ECPAS: variants seen among roughly 807,000 people sequenced by gnomAD.
ECPAS encodes Ecm29 proteasome adaptor and scaffold, also known as proteasome adapter and scaffold protein ECM29.
A neutral mutation model predicts 255.1 loss-of-function variants in ECPAS; 70 were observed. The observed-to-expected ratio is 0.27, with a 90% CI of 0.23 to 0.33. ECPAS has a LOEUF of 0.33. Among genes scored for constraint, ECPAS ranks in the 10% least tolerant of loss-of-function variants. The pLI, the probability that ECPAS is intolerant of heterozygous loss-of-function variation, is 1.00. For synonymous variants in ECPAS, 784 were observed against 775.0 expected (o/e 1.01, Z -0.19); for missense variants, 1,817 against 2,206.4 (o/e 0.82, Z 3.54).
At chr9:111,394,334 G>A in intron 25 of ECPAS, 29 bp from the exon 26 acceptor site, 4 of 1,480,126 alleles carry the variant, frequency 2.7e-6, no homozygotes, top group South Asian at 1.5e-5. Context: ...AAATAACAAA[G>A]AATTAAAATA....
chr9:111,453,785 G>T (rs1004554828), intron 2 of ECPAS, among the ~76,000 whole-genome samples: 1 of 152,042 alleles, frequency 6.6e-6, no homozygotes, highest in Non-Finnish European at 1.5e-5. Flanking sequence ...CAAACTGGGG[G>T]ACATTCTATA....
intron 21 of ECPAS, 24 bp from the exon 22 acceptor site, chr9:111,411,166 A>G (rs753728658): frequency 3.7e-6 from 6 of 1,611,572 alleles, no homozygotes; most frequent in South Asian, 1.1e-5. Context: ...AAACAATAGC[A>G]TATCTCTGGC....
Position 111,373,226 on chromosome 9 carries a change from T to A in ECPAS, c.4280A>T (p.Asp1427Val). 6.2e-7 allele frequency: 1 copy of A among 1,613,800 alleles called. No homozygotes were observed. Among genetic ancestry groups the A allele is most frequent in the Non-Finnish European group, 8.5e-7 (1 of 1,179,748 alleles). Residue 1427 changes from aspartate to valine, a missense_variant, in exon 41 of 50, where the codon GAT becomes GTT. Coordinates refer to ENST00000684092, the MANE Select transcript of ECPAS (RefSeq NM_001364929.1). ...AMGHLVRTSR[D>V]SSTEKLLQKL... ...CTGCAGGAGTTTTTCAGTGCTGCTATCCCGTGAGGTCTGAAAAAGAAACAA... is the reference window on the plus strand; with the variant it reads ...CTGCAGGAGTTTTTCAGTGCTGCTAACCCGTGAGGTCTGAAAAAGAAACAA...
chr9:111,442,296 G>T lies in ECPAS; in HGVS notation c.389+10C>A. ...GTAGGAGGGAAATTAGTTAATTGAG[G>T]AAATCATACCTATCCTGCTGTGGCT... On this transcript the variant is annotated intron_variant, in intron 5 of 49. Coordinates refer to ENST00000684092, the MANE Select transcript of ECPAS (RefSeq NM_001364929.1). 6.5e-7 allele frequency: 1 copy of T among 1,547,446 alleles called. No homozygotes were observed.
intron 10 of ECPAS, 86 bp downstream of exon 10, chr9:111,427,956 G>T: frequency 8.3e-7 from 1 of 1,206,396 alleles, no homozygotes; most frequent in Non-Finnish European, 1.1e-6. Flanking sequence ...CCTACCCACT[G>T]AATATCCATT....
At position 111,371,716 on chromosome 9, in the gene ECPAS, T is replaced by C. The variant is rs767011360; in HGVS notation, c.4642A>G (p.Ile1548Val). 5.0e-6 allele frequency: 8 copies of C among 1,613,904 alleles called. No individual in the cohort carries two copies. The highest frequency in any genetic ancestry group is 3.3e-5 in the Admixed American group (2 of 60,010). ...ACTAGAGAGCTAGTCTGTTTTGCAA[T>C]TGATGCCATGGCAATTGCACCCTGG... ...KAQGAIAMAS[I>V]AKQTSSLVPP... The change falls in exon 43 of 50, where the codon ATT becomes GTT. Residue 1548 changes from isoleucine (I) to valine (V), a missense_variant. This residue lies in a region of ECPAS where 960 missense variants were observed against 1,179.0 expected (regional missense o/e 0.81). Transcript: ENST00000684092.
Position 111,408,499 on chromosome 9 carries a change from T to C in ECPAS, c.2652+72A>G, listed in dbSNP as rs545774407. 2.7e-5 allele frequency: 23 copies of C among 846,652 alleles called. No individual in the cohort carries two copies. In the East Asian group the frequency reaches 5.2e-4, roughly 19 times the overall value. The allele number at this position is 846,652 out of a possible 1,614,324, so 52.4% of individuals were successfully genotyped here. On this transcript the variant is annotated intron_variant, in intron 24 of 49. Coordinates refer to ENST00000684092, the MANE Select transcript of ECPAS (RefSeq NM_001364929.1). ...TTAAAAATCTCACAGCATGCAAAACTGCACCTAAAAAAAAAAAAAAGACCA... is the reference window on the plus strand; with the variant it reads ...TTAAAAATCTCACAGCATGCAAAACCGCACCTAAAAAAAAAAAAAAGACCA...
intron 1 of ECPAS, among the ~76,000 whole-genome samples, chr9:111,478,169 G>C (rs941471787): frequency 1.3e-5 from 2 of 151,530 alleles, no homozygotes; most frequent in African/African-American, 4.8e-5. Flanking sequence ...CCAAAGCGCT[G>C]GGATTACAAA....
At chr9:111,483,138 C>T (rs1302558672) in intron 1 of ECPAS, among the ~76,000 whole-genome samples, 2 of 152,158 alleles carry the variant, frequency 1.3e-5, no homozygotes, top group Non-Finnish European at 2.9e-5. Context: ...CAGGCGGGGT[C>T]AGACGGGACG....
At chr9:111,471,098 C>T (rs2132077790) in intron 2 of ECPAS, among the ~76,000 whole-genome samples, 1 of 152,316 alleles carries the variant, frequency 6.6e-6, no homozygotes, top group Middle Eastern at 3.4e-3. Context: ...TTACTTAGAA[C>T]AATGCTCATA....
At chr9:111,418,058 T>C (rs371828591) in intron 16 of ECPAS, 52 bp from the exon 17 acceptor site, 12 of 1,495,134 alleles carry the variant, frequency 8.0e-6, no homozygotes, top group Admixed American at 7.2e-5. Context: ...CAATGGGAAA[T>C]GATCATTTGA....
chr9:111,427,460 A>T (rs1334232952), intron 10 of ECPAS, among the ~76,000 whole-genome samples: 1 of 152,224 alleles, frequency 6.6e-6, no homozygotes, highest in African/African-American at 2.4e-5. Flanking sequence ...TCTGAAAGGG[A>T]TTATTACCAT....
chr9:111,483,457 C>A lies in ECPAS; in HGVS notation c.-83+659G>T, dbSNP rs967835718. 4.1e-5 allele frequency: 39 copies of A among 962,870 alleles called. No individual in the cohort carries two copies. The Admixed American group carries it at 8.9e-4, about 22-fold the overall frequency. 59.6% of individuals were successfully genotyped at this position (962,870 alleles called of 1,614,324 possible). A position where few individuals can be genotyped will look rare whatever the true frequency, so the allele number is the denominator to read the frequency against. On this transcript the variant is annotated intron_variant, in intron 1 of 49. Transcript: ENST00000684092. ...GCGGCCGCCGGCCCCCGGCACCGCG[C>A]GGCGCCCGTTCCGGCTCGCGGCCGC...
chr9:111,459,459 C>A (rs1223613940), intron 2 of ECPAS, among the ~76,000 whole-genome samples: 1 of 152,020 alleles, frequency 6.6e-6, no homozygotes, highest in East Asian at 1.9e-4. Flanking sequence ...AATCAGAAGT[C>A]TACGAAATAT....
chr9:111,463,023 A>T (rs763023988), intron 2 of ECPAS, among the ~76,000 whole-genome samples: 1 of 152,136 alleles, frequency 6.6e-6, no homozygotes, highest in Admixed American at 6.6e-5. Context: ...TGATACTACA[A>T]GTGTGAGCCA....
chr9:111,453,300 G>A (rs1301299934), intron 2 of ECPAS, among the ~76,000 whole-genome samples: 3 of 151,122 alleles, frequency 2.0e-5, no homozygotes, highest in African/African-American at 7.4e-5. Flanking sequence ...GAACCAACCT[G>A]AAAGAACGTC....
intron 1 of ECPAS, among the ~76,000 whole-genome samples, chr9:111,476,510 C>T (rs2098296423): frequency 1.3e-5 from 2 of 151,366 alleles, no homozygotes; most frequent in Admixed American, 6.6e-5. Context: ...ACAGTCAAAA[C>T]TAATGGTTTT....
At position 111,402,404 on chromosome 9, in the gene ECPAS, A is replaced by G. The variant is rs568180466; in HGVS notation, c.2653-5251T>C. 1.8e-4 allele frequency among the ~76,000 whole-genome samples: 28 copies of G among 152,360 alleles called. 1 individual carries two copies. In the South Asian group the frequency reaches 5.8e-3, roughly 32 times the overall value. On this transcript the variant is annotated intron_variant, in intron 24 of 49. Coordinates refer to ENST00000684092, the MANE Select transcript of ECPAS (RefSeq NM_001364929.1). ...CTAGCATGCAACAAAAAATGTAAAT[A>G]CACAGACAAATTCAAAATACTCTAA...
At chr9:111,462,652 C>T (rs2098274495) in intron 2 of ECPAS, among the ~76,000 whole-genome samples, 1 of 151,468 alleles carries the variant, frequency 6.6e-6, no homozygotes, top group African/African-American at 2.4e-5. Flanking sequence ...TCTAATGAAA[C>T]ATGTCATAGT....
Sources: allele counts gnomAD v4.1 joint callset (sites outside exome capture counted in the v4.1 genomes callset), GRCh38; gene constraint gnomAD v4.1.1; regional missense constraint gnomAD v4.1.1; transcripts MANE v1.5; gene names NCBI Gene and HGNC (gene_info 2026-07-23, HGNC 2026-07-21).